Variants in NABP2 observed in about 807,000 individuals in gnomAD.
NABP2 encodes nucleic acid binding protein 2, also known as SOSS complex subunit B1.
NABP2 carries 7 observed loss-of-function variants against 22.7 expected under a neutral mutation model. The ratio of observed to expected loss-of-function variants is 0.31; its 90% CI spans 0.18 to 0.58. The LOEUF is 0.58. NABP2 is among the 20% of genes least tolerant of loss of function. The pLI, the probability that NABP2 is intolerant of heterozygous loss-of-function variation, is 0.89. For missense variants in NABP2, 188 were observed against 265.9 expected (o/e 0.71, Z 2.04); for synonymous variants, 107 against 99.2 (o/e 1.08, Z -0.47).
chr12:56,229,087 T>TGCCCCACC lies in NABP2; in HGVS notation c.510_511insGCCCCACC (p.Pro171AlafsTer65). On this transcript the variant is annotated frameshift_variant, in exon 7 of 7. Transcript: ENST00000267023. LOFTEE classifies it high-confidence loss of function. ...GTGGTGGCCCACATCCCCCTCATAC[T>TGCCCCACC]CCCTCCCACCCACCCAGCACCCGAA... The TGCCCCACC allele has an allele frequency of 6.6e-7, 1 of 1,512,344 alleles. No individual in the cohort carries two copies. Among genetic ancestry groups the TGCCCCACC allele is most frequent in the Non-Finnish European group, 9.1e-7 (1 of 1,102,012 alleles). The allele number at this position is 1,512,344 out of a possible 1,614,324, so 93.7% of individuals were successfully genotyped here.
rs769204801 is a variant in NABP2 at position 56,225,579 on chromosome 12, A to G, written c.219-45A>G. ...ATCAAGAGTGGGGTTAACAGTCCCT[A>G]TAACACTTCTGAGTACTGAATTTTG... is the stretch of plus-strand genomic sequence containing the variant. On this transcript the variant is annotated intron_variant, in intron 3 of 6. Coordinates refer to ENST00000267023, the MANE Select transcript of NABP2 (RefSeq NM_024068.4). 5.0e-5 allele frequency: 81 copies of G among 1,614,034 alleles called. 2 individuals carry two copies. In the South Asian group the frequency reaches 6.1e-4, roughly 12 times the overall value.
chr12:56,223,126 C>T (rs1379084243), upstream of NABP2, among the ~76,000 whole-genome samples: 2 of 152,166 alleles, frequency 1.3e-5, no homozygotes, highest in Non-Finnish European at 2.9e-5. Flanking sequence ...ATCCCAGCTA[C>T]TCGGGAGGCT....
In NABP2 at chr12:56,224,521, A is replaced by C. The variant is rs80317756; in HGVS notation, c.-24+80A>C. The C allele has an allele frequency of 7.0e-4, 786 of 1,122,456 alleles. 1 individual carries two copies. Among genetic ancestry groups the C allele is most frequent in the Non-Finnish European group, 8.1e-4 (730 of 906,226 alleles). 69.5% of individuals were successfully genotyped at this position (1,122,456 alleles called of 1,614,324 possible). A position where few individuals can be genotyped will look rare whatever the true frequency, so the allele number is the denominator to read the frequency against. ...GATGAGGGTTCCGGAAGATCTGGCC[A>C]GTAAGATTCTACTCCCTGGCTGTGC... On this transcript the variant is annotated intron_variant, in intron 1 of 6. Coordinates refer to ENST00000267023, the MANE Select transcript of NABP2 (RefSeq NM_024068.4).
intron 6 of NABP2, 132 bp from the exon 7 acceptor site, chr12:56,228,882 G>T: frequency 1.2e-6 from 1 of 804,610 alleles, no homozygotes. Context: ...TTTGCATTTG[G>T]TCCAGTTGGC....
At chr12:56,224,322 G>A, upstream of NABP2, 1 of 987,450 alleles carries the variant, frequency 1.0e-6, no homozygotes, top group Non-Finnish European at 1.2e-6. Context: ...GCCAGCCGGG[G>A]GAAACTTCCG....
At position 56,224,412 on chromosome 12, in the gene NABP2, C is replaced by G; in HGVS notation, c.-53C>G. The stretch of plus-strand genomic sequence containing the variant: ...GTGGCTCCCCCTGCGGGCTGCTCAG[C>G]GGCGTGCACAGTCCTGCCGGCTGGC... On this transcript the variant is annotated 5_prime_UTR_variant, in exon 1 of 7. Coordinates refer to ENST00000267023, the MANE Select transcript of NABP2 (RefSeq NM_024068.4). 2.0e-6 allele frequency: 2 copies of G among 998,326 alleles called. No individual in the cohort carries two copies. The highest frequency in any genetic ancestry group is 2.4e-6 in the Non-Finnish European group (2 of 835,476). The allele number at this position is 998,326 out of a possible 1,614,324, so 61.8% of individuals were successfully genotyped here.
In NABP2 at chr12:56,229,436, TA is replaced by T; in HGVS notation, c.*224del. On this transcript the variant is annotated 3_prime_UTR_variant, in exon 7 of 7. Coordinates refer to ENST00000267023, the MANE Select transcript of NABP2 (RefSeq NM_024068.4). ...CCCTCTGCCTGCTCTCTTTCCTCTT[TA>T]GAAATGGCAGTTACTGGCTGGGCGC... The T allele has an allele frequency of 1.8e-6, 1 of 567,174 alleles. No homozygotes were observed. The highest frequency in any genetic ancestry group is 2.1e-5 in the South Asian group (1 of 48,160). The allele number at this position is 567,174 out of a possible 1,614,324, so 35.1% of individuals were successfully genotyped here. A position where few individuals can be genotyped will look rare whatever the true frequency, so the allele number is the denominator to read the frequency against.
chr12:56,228,777 A>T (rs1869932964), intron 6 of NABP2, among the ~76,000 whole-genome samples: 2 of 152,178 alleles, frequency 1.3e-5, no homozygotes, highest in Non-Finnish European at 2.9e-5. Context: ...GATAACTACA[A>T]GAGAAAAATA....
At chr12:56,222,964 G>A (rs1869566855), upstream of NABP2, among the ~76,000 whole-genome samples, 2 of 152,054 alleles carry the variant, frequency 1.3e-5, no homozygotes, top group African/African-American at 4.8e-5. Context: ...GGCCGGGCGC[G>A]GTGGTTCATG....
chr12:56,224,601 A>G (rs1201463270), intron 1 of NABP2, 160 bp downstream of exon 1: 6 of 1,229,740 alleles, frequency 4.9e-6, no homozygotes, highest in African/African-American at 4.5e-5. Flanking sequence ...GCTTGAGACT[A>G]AAAGAGCATC....
chr12:56,228,429 C>T (rs1266379834), intron 6 of NABP2, among the ~76,000 whole-genome samples: 3 of 151,178 alleles, frequency 2.0e-5, no homozygotes, highest in South Asian at 2.1e-4. Flanking sequence ...CACTGTCACC[C>T]GGGCTGGAGT....
rs548480418 is a variant in NABP2, at chr12:56,226,601, T to C, written c.436+182T>C. ...TTTTTTTGAGACGAAGTCTCGCTCT[T>C]GTCAACCAGGCTGGAGTGCAATGGC... On this transcript the variant is annotated intron_variant, in intron 6 of 6. Coordinates refer to ENST00000267023, the MANE Select transcript of NABP2 (RefSeq NM_024068.4). Among the ~76,000 whole-genome samples, 427 of 141,206 alleles carry C rather than the reference T, an allele frequency of 3.0e-3. 5 individuals are homozygous for C. Among genetic ancestry groups the C allele is most frequent in the African/African-American group, 0.011 (410 of 38,662 alleles). The allele number at this position is 141,206 out of a possible 152,430, so 92.6% of individuals were successfully genotyped here.
At chr12:56,222,983 C>T (rs972197744), upstream of NABP2, among the ~76,000 whole-genome samples, 1 of 152,098 alleles carries the variant, frequency 6.6e-6, no homozygotes, top group African/African-American at 2.4e-5. Context: ...TGCCTTTAAT[C>T]CCAACACTTT....
chr12:56,224,870 C>A lies in NABP2; in HGVS notation c.14C>A (p.Thr5Asn). 1.9e-6 allele frequency: 3 copies of A among 1,613,794 alleles called. No homozygotes were observed. The highest frequency in any genetic ancestry group is 1.7e-4 in the Middle Eastern group (1 of 6,058). The part of the protein sequence containing the change: MTTE[T>N]FVKDIKPGLK... ...GGCTCAGGCAGCATGACGACGGAGACCTTTGTGAAGGATATCAAGCCTGGG... is the reference window on the plus strand; with the variant it reads ...GGCTCAGGCAGCATGACGACGGAGAACTTTGTGAAGGATATCAAGCCTGGG... Residue 5 changes from threonine to asparagine, a missense_variant, in exon 2 of 7, where the codon ACC (threonine) becomes AAC (asparagine). Physicochemically the swap from Thr to Asn is moderately conservative, Grantham distance 65. Coordinates refer to ENST00000267023, the MANE Select transcript of NABP2 (RefSeq NM_024068.4).
chr12:56,226,338 T>C lies in NABP2; in HGVS notation c.373-18T>C. The C allele has an allele frequency of 6.2e-7, 1 of 1,614,064 alleles. No individual in the cohort carries two copies. The highest frequency in any genetic ancestry group is 8.5e-7 in the Non-Finnish European group (1 of 1,180,020). On this transcript the variant is annotated intron_variant, in intron 5 of 6. Transcript: ENST00000267023. The stretch of plus-strand genomic sequence containing the variant: ...CATGGGAGGGAGCAGGATCTGAATA[T>C]GTAATCTGTGCCTTCAGGTGCAGAA...
upstream of NABP2, chr12:56,224,198 T>TA (rs1869646261): frequency 2.5e-6 from 1 of 401,762 alleles, no homozygotes; most frequent in Admixed American, 6.4e-5. Flanking sequence ...AAGGTTCCTT[T>TA]AATACCTGAA....
Position 56,229,090 on chromosome 12 carries a change from C to CCCCCCCCCCCCCCCCCCCCCCAA in NABP2, c.513_514insCCCCCCCCCCCCCCCCCCCCCAA (p.Ser172ProfsTer69). 8.0e-7 allele frequency: 1 copy of CCCCCCCCCCCCCCCCCCCCCCAA among 1,254,700 alleles called. No individual in the cohort carries two copies. Among genetic ancestry groups the CCCCCCCCCCCCCCCCCCCCCCAA allele is most frequent in the Non-Finnish European group, 1.2e-6 (1 of 869,352 alleles). 77.7% of individuals were successfully genotyped at this position (1,254,700 alleles called of 1,614,324 possible). A position where few individuals can be genotyped will look rare whatever the true frequency, so the allele number is the denominator to read the frequency against. The stretch of plus-strand genomic sequence containing the variant: ...GTGGCCCACATCCCCCTCATACTCC[C>CCCCCCCCCCCCCCCCCCCCCCAA]TCCCACCCACCCAGCACCCGAATCA... On this transcript the variant is annotated frameshift_variant, in exon 7 of 7. Coordinates refer to ENST00000267023, the MANE Select transcript of NABP2 (RefSeq NM_024068.4). LOFTEE classifies it high-confidence loss of function.
At chr12:56,228,199 A>C (rs896262165) in intron 6 of NABP2, among the ~76,000 whole-genome samples, 70 of 152,292 alleles carry the variant, frequency 4.6e-4, no homozygotes, top group African/African-American at 1.6e-3. Context: ...ACTCAAAAAA[A>C]TAAATAAATA....
At chr12:56,224,112 G>C (rs553445043), upstream of NABP2, among the ~76,000 whole-genome samples, 1 of 152,226 alleles carries the variant, frequency 6.6e-6, no homozygotes, top group African/African-American at 2.4e-5. Context: ...ATTCTCCCTA[G>C]CCAAGTTAAG....
Sources: allele counts gnomAD v4.1 joint callset (sites outside exome capture counted in the v4.1 genomes callset), GRCh38; gene constraint gnomAD v4.1.1; transcripts MANE v1.5; gene names NCBI Gene and HGNC (gene_info 2026-07-23, HGNC 2026-07-21).